Variants in ADAMTS16 observed in about 807,000 individuals in gnomAD.
ADAMTS16 encodes ADAM metallopeptidase with thrombospondin type 1 motif 16, also known as A disintegrin and metalloproteinase with thrombospondin motifs 16.
Under a neutral mutation model 145.8 loss-of-function variants are expected in ADAMTS16, and 94 were observed. The ratio of observed to expected loss-of-function variants is 0.64; its 90% CI spans 0.55 to 0.77. The LOEUF is 0.77. ADAMTS16 is among the 30% of genes least tolerant of loss of function. ADAMTS16 has a pLI of 0.00. For synonymous variants in ADAMTS16, 659 were observed against 604.3 expected (o/e 1.09, Z -1.33); for missense variants, 1,585 against 1,591.5 (o/e 1.00, Z 0.07).
At chr5:5,253,136 T>C (rs1283475329) in intron 17 of ADAMTS16, among the ~76,000 whole-genome samples, 1 of 152,204 alleles carries the variant, frequency 6.6e-6, no homozygotes, top group Non-Finnish European at 1.5e-5. Context: ...AGACAGGTCT[T>C]GGTCAATTAG....
In ADAMTS16 at chr5:5,317,450, T is replaced by A. The variant is rs1354676724; in HGVS notation, c.3412-684T>A. On this transcript the variant is annotated intron_variant, in intron 21 of 22. Coordinates refer to ENST00000274181, the MANE Select transcript of ADAMTS16 (RefSeq NM_139056.4). The surrounding 1 kb of genome is among the most constrained non-coding windows in gnomAD (Gnocchi z 4.5). ...GCTCTTGTTGCCCAGGCTGAAGTGC[T>A]GTGGCATGATCTCAGCTCACTGCAA... is the stretch of plus-strand genomic sequence containing the variant. 1.3e-5 allele frequency among the ~76,000 whole-genome samples: 2 copies of A among 152,142 alleles called. No individual in the cohort carries two copies. Among genetic ancestry groups the A allele is most frequent in the Non-Finnish European group, 2.9e-5 (2 of 68,016 alleles).
At chr5:5,180,104 G>A (rs962161624) in intron 3 of ADAMTS16, among the ~76,000 whole-genome samples, 7 of 152,046 alleles carry the variant, frequency 4.6e-5, no homozygotes, top group Non-Finnish European at 8.8e-5. Flanking sequence ...TAATGTGAGC[G>A]AACTCTCCCC....
At chr5:5,246,890 C>G (rs779616168) in intron 17 of ADAMTS16, among the ~76,000 whole-genome samples, 13 of 152,140 alleles carry the variant, frequency 8.5e-5, no homozygotes, top group Non-Finnish European at 1.8e-4. Flanking sequence ...ACCCATATGC[C>G]CATGTGTGAC....
At chr5:5,176,579 G>A (rs1314234602) in intron 3 of ADAMTS16, among the ~76,000 whole-genome samples, 1 of 152,100 alleles carries the variant, frequency 6.6e-6, no homozygotes, top group Non-Finnish European at 1.5e-5. Context: ...TTGTACCCTT[G>A]AGGCTTCAGT....
intron 18 of ADAMTS16, among the ~76,000 whole-genome samples, chr5:5,267,085 C>T (rs1481415736): frequency 6.6e-6 from 1 of 152,126 alleles, no homozygotes; most frequent in African/African-American, 2.4e-5. Flanking sequence ...CCTTTTCCCC[C>T]TCGCAGGGTG....
intron 17 of ADAMTS16, among the ~76,000 whole-genome samples, chr5:5,259,171 C>T (rs931006879): frequency 6.6e-6 from 1 of 152,236 alleles, no homozygotes; most frequent in Non-Finnish European, 1.5e-5. Context: ...TTCCACTCTG[C>T]GGCCATTTGG....
At chr5:5,144,446 G>T (rs1176783134) in intron 2 of ADAMTS16, among the ~76,000 whole-genome samples, 2 of 151,986 alleles carry the variant, frequency 1.3e-5, no homozygotes, top group African/African-American at 4.8e-5. Flanking sequence ...AAGCTTTAAG[G>T]TATTCCTTTC....
chr5:5,201,788 C>T (rs1735964910), intron 9 of ADAMTS16, among the ~76,000 whole-genome samples: 2 of 152,152 alleles, frequency 1.3e-5, no homozygotes, highest in South Asian at 2.1e-4. Flanking sequence ...AAACTAGGAA[C>T]TAGTTATTCC....
At chr5:5,229,215 A>G (rs11134098) in intron 11 of ADAMTS16, among the ~76,000 whole-genome samples, 146,300 of 148,916 alleles carry the variant, frequency 0.98, 71,921 homozygotes, top group Middle Eastern at 1. Flanking sequence ...GGAGAATGGC[A>G]TGAACCCGGG....
intron 8 of ADAMTS16, among the ~76,000 whole-genome samples, chr5:5,192,834 T>A (rs2126579383): frequency 6.6e-6 from 1 of 152,324 alleles, no homozygotes; most frequent in East Asian, 1.9e-4. Context: ...AAGTATCGTC[T>A]GTTAAATAAA....
At chr5:5,217,409 C>G (rs1294999691) in intron 10 of ADAMTS16, among the ~76,000 whole-genome samples, 1 of 152,118 alleles carries the variant, frequency 6.6e-6, no homozygotes, top group African/African-American at 2.4e-5. Context: ...TCAGAGTGAA[C>G]AGGTCATGAA....
At chr5:5,267,088 G>A (rs75867563) in intron 18 of ADAMTS16, among the ~76,000 whole-genome samples, 3,700 of 152,172 alleles carry the variant, frequency 0.024, 61 homozygotes, top group Middle Eastern at 0.041. Flanking sequence ...TTTCCCCCTC[G>A]CAGGGTGTGC....
chr5:5,143,296 A>G (rs1284408043), intron 2 of ADAMTS16, among the ~76,000 whole-genome samples: 1 of 152,110 alleles, frequency 6.6e-6, no homozygotes, highest in East Asian at 1.9e-4. Context: ...AAAACAAACA[A>G]CCCCATCAAA....
At position 5,303,593 on chromosome 5, in the gene ADAMTS16, G is replaced by A. The variant is rs2126512539; in HGVS notation, c.3013G>A (p.Gly1005Arg). Reference protein sequence around the residue: ...WAECSHTCGKGWRKRAVACKS... With the variant: ...WAECSHTCGKRWRKRAVACKS... ...GCAGTGCTCACACACCTGTGGGAAG[G>A]GGTGGAGGAAGCGGGCAGTGGCCTG... is the stretch of plus-strand genomic sequence containing the variant. Residue 1005 changes from glycine to arginine, a missense_variant, in exon 20 of 23, where the codon GGG (glycine) becomes AGG (arginine). Gly to Arg is a moderately radical substitution (Grantham distance 125). Transcript: ENST00000274181. The A allele has an allele frequency of 1.2e-6, 2 of 1,614,168 alleles. No individual in the cohort carries two copies. Among genetic ancestry groups the A allele is most frequent in the Admixed American group, 1.7e-5 (1 of 60,030 alleles).
chr5:5,146,169 G>T lies in ADAMTS16; in HGVS notation c.215G>T (p.Gly72Val). Reference protein sequence around the residue: ...LVSAYEVDHRGDYVSHEIMHH... With the variant: ...LVSAYEVDHRVDYVSHEIMHH... ...TCTGCCTACGAGGTTGACCACAGGG[G>T]CGATTACGTGTCCCATGAAATCATG... is the stretch of plus-strand genomic sequence containing the variant. Residue 72 changes from glycine to valine, a missense_variant, in exon 3 of 23, where the codon GGC becomes GTC. Around this residue, in one of 3 missense-constraint regions of ADAMTS16, gnomAD observed 453 missense variants for 412.1 expected, o/e 1.10. Transcript: ENST00000274181. 6.2e-7 allele frequency: 1 copy of T among 1,614,160 alleles called. No homozygotes were observed. The highest frequency in any genetic ancestry group is 8.5e-7 in the Non-Finnish European group (1 of 1,180,048).
chr5:5,231,397 A>T (rs1337374664), intron 11 of ADAMTS16, among the ~76,000 whole-genome samples: 3 of 151,962 alleles, frequency 2.0e-5, no homozygotes, highest in Non-Finnish European at 2.9e-5. Flanking sequence ...ACCTCAACTA[A>T]TAATAGAAGT....
At chr5:5,178,136 C>G (rs967254161) in intron 3 of ADAMTS16, among the ~76,000 whole-genome samples, 10 of 152,196 alleles carry the variant, frequency 6.6e-5, no homozygotes, top group Non-Finnish European at 1.2e-4. Context: ...TCTTTACTTA[C>G]ATTGCTCAGA....
intron 20 of ADAMTS16, 74 bp downstream of exon 20, chr5:5,303,840 T>C: frequency 6.6e-7 from 1 of 1,514,118 alleles, no homozygotes; most frequent in Non-Finnish European, 9.0e-7. Context: ...TCCTGGTTTT[T>C]CTCTTCTCAC....
At chr5:5,221,738 T>C (rs1736610492) in intron 10 of ADAMTS16, among the ~76,000 whole-genome samples, 5 of 152,304 alleles carry the variant, frequency 3.3e-5, no homozygotes, top group African/African-American at 9.6e-5. Flanking sequence ...GAACTGGTGT[T>C]AAAACCCTTC....
Sources: gnomAD v4.1 joint callset for allele counts (sites outside exome capture counted in the v4.1 genomes callset) on GRCh38, gnomAD v4.1.1 for gene constraint, gnomAD v4.1.1 regional missense constraint, Gnocchi (gnomAD v3.1) non-coding constraint, MANE v1.5 for transcripts, NCBI Gene and HGNC (gene_info 2026-07-23, HGNC 2026-07-21) for gene names.